The following MYBPHL variants were observed in gnomAD, a reference collection of about 807,000 sequenced individuals.
MYBPHL encodes the protein myosin-binding protein H-like.
MYBPHL carries 32 observed loss-of-function variants against 39.5 expected under a neutral mutation model. The observed-to-expected ratio is 0.81, with a 90% CI of 0.61 to 1.09. MYBPHL has a LOEUF of 1.09. Among genes scored for constraint, MYBPHL ranks in the 50% least tolerant of loss-of-function variants. The pLI is 0.00. For synonymous variants in MYBPHL, 196 were observed against 183.7 expected (o/e 1.07, Z -0.54); for missense variants, 456 against 460.2 (o/e 0.99, Z 0.08).
Position 109,297,037 on chromosome 1 carries a change from C to G in MYBPHL, c.570+13G>C, listed in dbSNP as rs1187964368. On this transcript the variant is annotated intron_variant, in intron 4 of 8. Transcript: ENST00000357155. ...GCCCTCTTCCACCCTCCTTCCTTCC[C>G]AGCTGGCCTCACCCCGGATTTTGTG... 6.2e-7 allele frequency: 1 copy of G among 1,614,156 alleles called. No homozygotes were observed. The highest frequency in any genetic ancestry group is 1.7e-5 in the Admixed American group (1 of 60,020).
intron 2 of MYBPHL, 143 bp from the exon 3 acceptor site, chr1:109,297,760 T>TC: frequency 1.4e-6 from 1 of 698,820 alleles, no homozygotes; most frequent in South Asian, 2.0e-5. Context: ...TGGTGGACCC[T>TC]CCCGGGGGCC....
chr1:109,298,010 T>C (rs1286829446), intron 2 of MYBPHL, among the ~76,000 whole-genome samples, 159 bp downstream of exon 2: 1 of 152,206 alleles, frequency 6.6e-6, no homozygotes, highest in Non-Finnish European at 1.5e-5. Context: ...CCTTCAGGAG[T>C]GCAGAGGTCA....
Position 109,295,186 on chromosome 1 carries a change from C to A in MYBPHL, c.979G>T (p.Asp327Tyr), listed in dbSNP as rs1429897416. 1.1e-5 allele frequency: 17 copies of A among 1,614,188 alleles called. No individual in the cohort carries two copies. Among genetic ancestry groups the A allele is most frequent in the Non-Finnish European group, 1.4e-5 (17 of 1,180,032 alleles). ...SLEIRKPGPFDGGIYTCKAVN... is the reference protein window; with the variant it reads ...SLEIRKPGPFYGGIYTCKAVN... ...GCCTTGCAGGTATAGATGCCTCCAT[C>A]AAAGGGACCCGGCTTGCGGATCTCT... The change falls in exon 7 of 9, where the codon GAT (aspartate) becomes TAT (tyrosine). Residue 327 changes from aspartate (D) to tyrosine (Y), a missense_variant. Transcript: ENST00000357155.
intron 8 of MYBPHL, among the ~76,000 whole-genome samples, chr1:109,293,932 C>T (rs528661155): frequency 4.0e-5 from 6 of 149,992 alleles, no homozygotes; most frequent in African/African-American, 7.4e-5. Context: ...GGCATGGTGG[C>T]GGGCGCCTGT....
At chr1:109,295,995 G>T (rs544068492) in intron 6 of MYBPHL, among the ~76,000 whole-genome samples, 1 of 152,290 alleles carries the variant, frequency 6.6e-6, no homozygotes, top group South Asian at 2.1e-4. Context: ...TTGCCAGCAG[G>T]TCAGTAAGCA....
chr1:109,297,743 T>C, intron 2 of MYBPHL, 126 bp from the exon 3 acceptor site: 2 of 844,178 alleles, frequency 2.4e-6, no homozygotes, highest in Non-Finnish European at 3.6e-6. Context: ...TTCCTTGAGT[T>C]AGAAGTTGGT....
At position 109,298,200 on chromosome 1, in the gene MYBPHL, C is replaced by G. The variant is rs773929882; in HGVS notation, c.203G>C (p.Gly68Ala). 3 of 1,610,358 alleles carry G rather than the reference C, an allele frequency of 1.9e-6. No individual in the cohort carries two copies. In the South Asian group the frequency reaches 3.3e-5, roughly 18 times the overall value. Reference sequence around the variant, plus strand: ...TGGGATTAGTAGGTTCACTGTGTCCCCAACCTTCCGGATGTAGGTCTGCCT... The same window carrying G: ...TGGGATTAGTAGGTTCACTGTGTCCGCAACCTTCCGGATGTAGGTCTGCCT... ...ALRQTYIRKV[G>A]DTVNLLIPFQ... Residue 68 changes from glycine (G) to alanine (A), a missense_variant, in exon 2 of 9, where the codon GGG becomes GCG. Transcript: ENST00000357155.
At chr1:109,295,967 C>G (rs1658043138) in intron 6 of MYBPHL, among the ~76,000 whole-genome samples, 1 of 152,226 alleles carries the variant, frequency 6.6e-6, no homozygotes, top group African/African-American at 2.4e-5. Flanking sequence ...ACAGAAACAA[C>G]TTGAGGCGCA....
chr1:109,301,423 ATTCT>A (rs1446720973), intron 1 of MYBPHL, among the ~76,000 whole-genome samples: 2 of 152,300 alleles, frequency 1.3e-5, no homozygotes, highest in East Asian at 3.9e-4. Flanking sequence ...ATGCTGTTTA[ATTCT>A]TTCTAAAAAA....
Position 109,303,012 on chromosome 1 carries a change from G to A in MYBPHL, c.145+3835C>T, listed in dbSNP as rs146838106. On this transcript the variant is annotated intron_variant, in intron 1 of 8. Coordinates refer to ENST00000357155, the MANE Select transcript of MYBPHL (RefSeq NM_001010985.3). ...GTACACAGATGATCACGGGCCCTAAGGAATGGCAGAGCCCCAAGATGAAAG... is the reference window on the plus strand; with the variant it reads ...GTACACAGATGATCACGGGCCCTAAAGAATGGCAGAGCCCCAAGATGAAAG... 9.9e-5 allele frequency among the ~76,000 whole-genome samples: 15 copies of A among 152,260 alleles called. 1 individual carries two copies. Among genetic ancestry groups the A allele is most frequent in the Non-Finnish European group, 2.1e-4 (14 of 68,024 alleles).
intron 8 of MYBPHL, among the ~76,000 whole-genome samples, chr1:109,293,795 G>C (rs545805287): frequency 6.6e-6 from 1 of 151,344 alleles, no homozygotes; most frequent in African/African-American, 2.4e-5. Context: ...TGGGCATGTC[G>C]GCTCTCACCT....
intron 8 of MYBPHL, among the ~76,000 whole-genome samples, chr1:109,293,596 C>T (rs866171607): frequency 1.3e-5 from 2 of 151,418 alleles, no homozygotes; most frequent in African/African-American, 4.9e-5. Context: ...AAAAAATTGC[C>T]GGGCGTGGTG....
At position 109,297,149 on chromosome 1, in the gene MYBPHL, A is replaced by C; in HGVS notation, c.471T>G (p.Val157=). The C allele has an allele frequency of 6.2e-7, 1 of 1,614,160 alleles. No individual in the cohort carries two copies. Among genetic ancestry groups the C allele is most frequent in the Non-Finnish European group, 8.5e-7 (1 of 1,180,032 alleles). The change falls in exon 4 of 9, where the codon GTT becomes GTG. Residue 157 remains valine, a synonymous_variant. Coordinates refer to ENST00000357155, the MANE Select transcript of MYBPHL (RefSeq NM_001010985.3). ...GPPQSIKLVD[V]WGFSATLEWT... ...ATTCCAGTGTAGCGCTGAAGCCCCAAACGTCCACCAGCTTAATACTCTGAG... is the reference window on the plus strand; with the variant it reads ...ATTCCAGTGTAGCGCTGAAGCCCCACACGTCCACCAGCTTAATACTCTGAG...
In MYBPHL at chr1:109,296,331, A is replaced by T. The variant is rs1372915616; in HGVS notation, c.770T>A (p.Phe257Tyr). 1.2e-6 allele frequency: 2 copies of T among 1,614,050 alleles called. No homozygotes were observed. Among genetic ancestry groups the T allele is most frequent in the South Asian group, 2.2e-5 (2 of 91,072 alleles). The change falls in exon 6 of 9, where the codon TTC becomes TAC. Residue 257 changes from phenylalanine to tyrosine, a missense_variant. By Grantham distance (22) the Phe-to-Tyr change is conservative. Transcript: ENST00000357155. ...YKTKGFAQRD[F>Y]SEAPKFTQPL... ...CTGGGTAAACTTTGGGGCTTCAGAG[A>T]AGTCTCGTTGGGCAAACCCCTTGGT...
chr1:109,297,382 T>C lies in MYBPHL; in HGVS notation c.430+40A>G, dbSNP rs201140834. The C allele has an allele frequency of 2.2e-3, 3,415 of 1,584,864 alleles. 9 individuals are homozygous for C. Among genetic ancestry groups the C allele is most frequent in the Non-Finnish European group, 2.8e-3 (3,199 of 1,162,854 alleles). ...GCTCCTCTTCAGCCTGGAGAGGGAGTTCCTGAGGACCCCCCCATCTCCCAC... is the reference window on the plus strand; with the variant it reads ...GCTCCTCTTCAGCCTGGAGAGGGAGCTCCTGAGGACCCCCCCATCTCCCAC... On this transcript the variant is annotated intron_variant, in intron 3 of 8. Transcript: ENST00000357155.
intron 1 of MYBPHL, among the ~76,000 whole-genome samples, chr1:109,300,261 C>G (rs1396611745): frequency 6.6e-6 from 1 of 152,222 alleles, no homozygotes; most frequent in Admixed American, 6.5e-5. Flanking sequence ...TCCTGCCTCC[C>G]CATCTAAGAT....
rs200938847 is a variant in MYBPHL at position 109,298,243 on chromosome 1, A to G, written c.160T>C (p.Trp54Arg). Residue 54 changes from tryptophan to arginine, a missense_variant, in exon 2 of 9, where the codon TGG (tryptophan) becomes CGG (arginine). Trp to Arg is a moderately radical substitution (Grantham distance 101, BLOSUM62 -3). Coordinates refer to ENST00000357155, the MANE Select transcript of MYBPHL (RefSeq NM_001010985.3). Reference sequence around the variant, plus strand: ...GTCTGCCTCAGGGCCCGAGGTAGCCAGATCTTGGGGTGCTCTGAGTGATGG... The same window carrying G: ...GTCTGCCTCAGGGCCCGAGGTAGCCGGATCTTGGGGTGCTCTGAGTGATGG... ...LPPIEEHPKI[W>R]LPRALRQTYI... 5.2e-5 allele frequency: 84 copies of G among 1,610,458 alleles called. No homozygotes were observed. Among genetic ancestry groups the G allele is most frequent in the South Asian group, 1.2e-4 (11 of 90,318 alleles).
At chr1:109,297,299 CCT>C in intron 3 of MYBPHL, 110 bp from the exon 4 acceptor site, 6 of 1,570,744 alleles carry the variant, frequency 3.8e-6, no homozygotes, top group Non-Finnish European at 5.2e-6. Flanking sequence ...CTGCGCCCAC[CCT>C]GTGTCCCAGA....
intron 8 of MYBPHL, among the ~76,000 whole-genome samples, chr1:109,293,918 G>A (rs1657959091): frequency 6.6e-6 from 1 of 151,882 alleles, no homozygotes; most frequent in Non-Finnish European, 1.5e-5. Flanking sequence ...AGAAAAATTA[G>A]CCGGGCATGG....
Sources: allele counts gnomAD v4.1 joint callset (sites outside exome capture counted in the v4.1 genomes callset), GRCh38; gene constraint gnomAD v4.1.1; transcripts MANE v1.5; gene names NCBI Gene and HGNC (gene_info 2026-07-23, HGNC 2026-07-21).